Variants in SV2C observed in about 807,000 individuals in gnomAD.
SV2C encodes the protein synaptic vesicle glycoprotein 2C.
SV2C carries 49 observed loss-of-function variants against 79.7 expected under a neutral mutation model. The ratio of observed to expected loss-of-function variants is 0.61; its 90% CI spans 0.49 to 0.78. The LOEUF is 0.78. Ranked by LOEUF, SV2C falls within the 30% of genes least tolerant of loss-of-function variation. The pLI is 0.00. For synonymous variants in SV2C, 334 were observed against 333.2 expected, an observed-to-expected ratio of 1.00 and a Z score of -0.03; for missense variants, 833 against 912.9, an observed-to-expected ratio of 0.91 and a Z score of 1.13.
chr5:76,121,396 G>T (rs578127577), intron 1 of SV2C, among the ~76,000 whole-genome samples: 1,706 of 150,648 alleles, frequency 0.011, 33 homozygotes, highest in African/African-American at 0.037. Flanking sequence ...GTCAATTTTG[G>T]CTTTTGTTGC....
At chr5:76,081,472 T>C (rs1317527282), upstream of SV2C, among the ~76,000 whole-genome samples, 2 of 152,344 alleles carry the variant, frequency 1.3e-5, no homozygotes, top group Non-Finnish European at 2.9e-5. Flanking sequence ...GGCACTTCCT[T>C]GTCATAGTAG....
At chr5:75,942,892 C>T in the SV2C span, among the ~76,000 whole-genome samples, 3 of 152,142 alleles carry the variant, frequency 2.0e-5, no homozygotes, top group South Asian at 4.1e-4. Context: ...GAGCCACATG[C>T]GATAGTGCAT....
the SV2C span, among the ~76,000 whole-genome samples, chr5:76,028,879 A>G: frequency 6.6e-6 from 1 of 152,214 alleles, no homozygotes. Context: ...ATGTCTCCTG[A>G]GGGGCAATAA....
chr5:76,250,832 G>A (rs149249009), intron 4 of SV2C, among the ~76,000 whole-genome samples: 43 of 151,378 alleles, frequency 2.8e-4, no homozygotes, highest in African/African-American at 7.3e-4. Context: ...CTCAATGGAC[G>A]TTTTTTTTTC....
chr5:76,255,008 A>C (rs896736271), intron 4 of SV2C, among the ~76,000 whole-genome samples: 2 of 152,090 alleles, frequency 1.3e-5, no homozygotes, highest in African/African-American at 4.8e-5. Flanking sequence ...CTTTGTCTAC[A>C]TTTTTTAATA....
the SV2C span, chr5:75,911,395 CA>C: frequency 1.8e-6 from 2 of 1,129,952 alleles, no homozygotes; most frequent in Non-Finnish European, 2.6e-6. Flanking sequence ...AACCTATATC[CA>C]GAGGACGTCA....
intron 4 of SV2C, among the ~76,000 whole-genome samples, chr5:76,222,289 A>G (rs887675805): frequency 2.6e-5 from 4 of 152,220 alleles, no homozygotes; most frequent in African/African-American, 4.8e-5. Context: ...ATAAAATGCT[A>G]CTCAGCAATA....
At chr5:75,917,221 C>A in the SV2C span, among the ~76,000 whole-genome samples, 1 of 152,172 alleles carries the variant, frequency 6.6e-6, no homozygotes, top group Non-Finnish European at 1.5e-5. Context: ...AAATAGCAGA[C>A]TCTTTTTTAA....
At chr5:76,161,513 T>C (rs141749079) in intron 2 of SV2C, among the ~76,000 whole-genome samples, 141 of 152,216 alleles carry the variant, frequency 9.3e-4, no homozygotes, top group African/African-American at 2.9e-3. Context: ...CTTTTTTATT[T>C]TTGTAGAGAT....
chr5:75,952,247 TTTCCTTCCTTCCTTCC>T, the SV2C span, among the ~76,000 whole-genome samples: 12,143 of 144,264 alleles, frequency 0.084, 590 homozygotes, highest in South Asian at 0.19. Context: ...TCTCCTGCAT[TTTCCTTCCTTCCTTCC>T]TTCCTTCCTT....
the SV2C span, among the ~76,000 whole-genome samples, chr5:75,913,492 G>A: frequency 6.6e-6 from 1 of 152,202 alleles, no homozygotes; most frequent in Non-Finnish European, 1.5e-5. Flanking sequence ...CCTTGAAAGG[G>A]TTAGGGATTA....
chr5:75,868,823 C>A, the SV2C span, among the ~76,000 whole-genome samples: 5 of 152,192 alleles, frequency 3.3e-5, no homozygotes, highest in Non-Finnish European at 4.4e-5. Context: ...TCCTACCCAA[C>A]ATGTCTCTGT....
the SV2C span, among the ~76,000 whole-genome samples, chr5:76,020,493 C>T: frequency 1.1e-4 from 17 of 152,146 alleles, no homozygotes; most frequent in Admixed American, 2.0e-4. Context: ...CATGATCATT[C>T]GAAGCCACAT....
intron 1 of SV2C, among the ~76,000 whole-genome samples, chr5:76,095,508 CTG>C (rs1747526708): frequency 6.6e-6 from 1 of 152,008 alleles, no homozygotes; most frequent in African/African-American, 2.4e-5. Context: ...CTTGTAGACT[CTG>C]TGATTCTTGT....
At chr5:76,027,764 C>T in the SV2C span, among the ~76,000 whole-genome samples, 1 of 152,190 alleles carries the variant, frequency 6.6e-6, no homozygotes, top group Non-Finnish European at 1.5e-5. Context: ...TTAAGTGGTA[C>T]TGGACCAATG....
chr5:76,021,500 C>T, the SV2C span, among the ~76,000 whole-genome samples: 7 of 152,192 alleles, frequency 4.6e-5, no homozygotes, highest in African/African-American at 1.4e-4. Context: ...GATGTCCCAG[C>T]TTTGTCTTGT....
intron 4 of SV2C, among the ~76,000 whole-genome samples, chr5:76,266,302 G>A (rs150927249): frequency 0.015 from 2,263 of 152,214 alleles, 58 homozygotes; most frequent in African/African-American, 0.05. Flanking sequence ...CCGCCTCCCA[G>A]GATCAAGGGA....
chr5:76,094,774 T>A (rs1441640583), intron 1 of SV2C, among the ~76,000 whole-genome samples: 1 of 152,140 alleles, frequency 6.6e-6, no homozygotes, highest in Non-Finnish European at 1.5e-5. Context: ...ATTTTGCCAT[T>A]TTTCAATTGG....
chr5:76,065,735 G>T, the SV2C span, among the ~76,000 whole-genome samples: 3 of 152,062 alleles, frequency 2.0e-5, no homozygotes, highest in Non-Finnish European at 4.4e-5. Context: ...GGTATCATTG[G>T]AATGGCTACT....
Sources: gnomAD v4.1 joint callset for allele counts (sites outside exome capture counted in the v4.1 genomes callset) on GRCh38, gnomAD v4.1.1 for gene constraint, MANE v1.5 for transcripts, NCBI Gene and HGNC (gene_info 2026-07-23, HGNC 2026-07-21) for gene names.